The following WDR7 variants were observed in gnomAD, a reference collection of about 807,000 sequenced individuals.
WDR7 encodes WD repeat-containing protein 7.
A neutral mutation model predicts 169.4 loss-of-function variants in WDR7; 46 were observed. That is an observed-to-expected ratio of 0.27 (90% CI 0.21 to 0.35). The LOEUF is 0.35. Among genes scored for constraint, WDR7 ranks in the 10% least tolerant of loss-of-function variants. WDR7 has a pLI of 1.00. For missense variants in WDR7, 1,534 were observed against 1,859.3 expected, an observed-to-expected ratio of 0.83 and a Z score of 3.22; for synonymous variants, 612 against 666.8, an observed-to-expected ratio of 0.92 and a Z score of 1.27.
rs376961622 is a variant in WDR7 at position 56,913,145 on chromosome 18, A to T, written c.3527-10777A>T. Among the ~76,000 whole-genome samples the T allele has an allele frequency of 6.5e-4, 99 of 152,212 alleles. 2 individuals are homozygous for T. The highest frequency in any genetic ancestry group is 6.8e-3 in the Middle Eastern group (2 of 294). ...CACCTCAGGCTCTCGAAGTGCTGGGATTACAAGCATGAGCCACTGTGTCCA... is the reference window on the plus strand; with the variant it reads ...CACCTCAGGCTCTCGAAGTGCTGGGTTTACAAGCATGAGCCACTGTGTCCA... On this transcript the variant is annotated intron_variant, in intron 21 of 27. Coordinates refer to ENST00000254442, the MANE Select transcript of WDR7 (RefSeq NM_015285.3).
intron 19 of WDR7, among the ~76,000 whole-genome samples, chr18:56,792,765 A>AACACACACAC (rs10551903): frequency 4.7e-4 from 70 of 147,776 alleles, no homozygotes; most frequent in East Asian, 2.4e-3. Flanking sequence ...TATTTTCTTT[A>AACACACACAC]ACACACACAC....
chr18:56,908,557 A>G (rs564001598), intron 21 of WDR7, among the ~76,000 whole-genome samples: 1 of 152,326 alleles, frequency 6.6e-6, no homozygotes, highest in South Asian at 2.1e-4. Flanking sequence ...TGTATATAAT[A>G]TAATGGTCAG....
chr18:56,712,446 T>A (rs1329683439), intron 12 of WDR7, among the ~76,000 whole-genome samples: 1 of 152,222 alleles, frequency 6.6e-6, no homozygotes, highest in African/African-American at 2.4e-5. Flanking sequence ...GATAATTATT[T>A]GAAAAATAAT....
chr18:56,731,556 A>G lies in WDR7; in HGVS notation c.1948A>G (p.Thr650Ala), dbSNP rs555689261. 5.3e-5 allele frequency: 85 copies of G among 1,614,026 alleles called. No individual in the cohort carries two copies. In the Admixed American group the frequency reaches 5.7e-4, roughly 11 times the overall value. ...LKNMAHHKLQTLATNLLASEA... is the reference protein window; with the variant it reads ...LKNMAHHKLQALATNLLASEA... ...AAATATGGCCCATCATAAGCTACAAACCCTTGCAACTAACCTCTTGGCTTC... is the reference window on the plus strand; with the variant it reads ...AAATATGGCCCATCATAAGCTACAAGCCCTTGCAACTAACCTCTTGGCTTC... The change falls in exon 14 of 28, where the codon ACC becomes GCC. Residue 650 changes from threonine to alanine, a missense_variant. By Grantham distance (58) the Thr-to-Ala change is moderately conservative. Coordinates refer to ENST00000254442, the MANE Select transcript of WDR7 (RefSeq NM_015285.3).
chr18:56,980,297 C>A (rs1037097902), intron 26 of WDR7, among the ~76,000 whole-genome samples: 1 of 152,156 alleles, frequency 6.6e-6, no homozygotes, highest in Non-Finnish European at 1.5e-5. Context: ...ACTGTTGATC[C>A]CCATCCACAA....
intron 22 of WDR7, among the ~76,000 whole-genome samples, chr18:56,926,079 T>A (rs1458085756): frequency 6.6e-6 from 1 of 152,176 alleles, no homozygotes; most frequent in Admixed American, 6.5e-5. Context: ...ATTCAGCAGA[T>A]CAAGAGCTGC....
Position 56,987,285 on chromosome 18 carries a change from CAAAAAAAAAAAA to C in WDR7, c.4164+24771_4164+24782del, listed in dbSNP as rs74182165. Among the ~76,000 whole-genome samples the C allele has an allele frequency of 1.2e-4, 9 of 75,272 alleles. No individual in the cohort carries two copies. In the East Asian group the frequency reaches 1.6e-3, roughly 14 times the overall value. 49.4% of individuals were successfully genotyped at this position (75,272 alleles called of 152,430 possible). ...AAAGGTTAAGCCTTATCATCTGTAC[CAAAAAAAAAAAA>C]AAAAAAAAAAAAAAGGTGAGGTTTC... On this transcript the variant is annotated intron_variant, in intron 26 of 27. Coordinates refer to ENST00000254442, the MANE Select transcript of WDR7 (RefSeq NM_015285.3).
chr18:56,757,440 T>G (rs927434239), intron 15 of WDR7, 88 bp downstream of exon 15: 1 of 1,328,676 alleles, frequency 7.5e-7, no homozygotes, highest in South Asian at 1.7e-5. Context: ...CTTTTTTGGC[T>G]CTACACAATT....
In WDR7 at chr18:56,682,789, A is replaced by G. The variant is rs1247386562; in HGVS notation, c.456A>G (p.Leu152=). ...DATSLEVLYS[L]VSKISPDWIS... ...CCAGCCTTGAAGTATTATACTCCTT[A>G]GTATCAAAGATATCACCAGACTGGA... Residue 152 remains leucine, a synonymous_variant, in exon 5 of 28, where the codon TTA becomes TTG. Coordinates refer to ENST00000254442, the MANE Select transcript of WDR7 (RefSeq NM_015285.3). 6.2e-7 allele frequency: 1 copy of G among 1,613,720 alleles called. No individual in the cohort carries two copies.
At chr18:56,653,370 C>A (rs2024697876) in intron 1 of WDR7, among the ~76,000 whole-genome samples, 1 of 152,050 alleles carries the variant, frequency 6.6e-6, no homozygotes, top group Non-Finnish European at 1.5e-5. Context: ...CCATGCCTGG[C>A]TAATTTTTGT....
At chr18:56,864,941 G>T (rs2045860247) in intron 20 of WDR7, among the ~76,000 whole-genome samples, 1 of 151,954 alleles carries the variant, frequency 6.6e-6, no homozygotes. Flanking sequence ...GGAAAGAGTT[G>T]ATTGTAGCTC....
intron 21 of WDR7, among the ~76,000 whole-genome samples, chr18:56,923,372 C>T (rs2046754837): frequency 6.6e-6 from 1 of 152,232 alleles, no homozygotes; most frequent in Admixed American, 6.5e-5. Flanking sequence ...GAGCTTACCA[C>T]ACACTTGACA....
intron 23 of WDR7, 52 bp downstream of exon 23, chr18:56,935,957 G>C (rs547343156): frequency 2.0e-6 from 3 of 1,497,574 alleles, no homozygotes; most frequent in Admixed American, 1.8e-5. Flanking sequence ...GGAATTATTT[G>C]ATACTATAAG....
intron 20 of WDR7, among the ~76,000 whole-genome samples, chr18:56,840,041 G>A (rs1006137862): frequency 3.9e-5 from 6 of 152,070 alleles, no homozygotes; most frequent in Non-Finnish European, 5.9e-5. Context: ...CTGCTCTGAC[G>A]ACAGTGTGAG....
chr18:56,918,809 T>A (rs1350321528), intron 21 of WDR7, among the ~76,000 whole-genome samples: 1 of 152,230 alleles, frequency 6.6e-6, no homozygotes, highest in Non-Finnish European at 1.5e-5. Flanking sequence ...TATAAAGTAA[T>A]TTTCAACATT....
At chr18:56,952,127 A>T (rs939171117) in intron 25 of WDR7, among the ~76,000 whole-genome samples, 3 of 152,226 alleles carry the variant, frequency 2.0e-5, no homozygotes, top group African/African-American at 4.8e-5. Flanking sequence ...AATGAGAGTG[A>T]AAAGGGCAAA....
chr18:56,920,104 T>G (rs1314525630), intron 21 of WDR7, among the ~76,000 whole-genome samples: 1 of 152,134 alleles, frequency 6.6e-6, no homozygotes, highest in Non-Finnish European at 1.5e-5. Context: ...ACACACAGTT[T>G]CTAGCCATGT....
At chr18:56,677,673 T>C (rs560382491) in intron 2 of WDR7, among the ~76,000 whole-genome samples, 8 of 152,244 alleles carry the variant, frequency 5.3e-5, no homozygotes, top group Middle Eastern at 3.4e-3. Context: ...TGTCTTTTCT[T>C]TTTTGGCTTT....
At chr18:56,707,300 A>G (rs1398380777) in intron 12 of WDR7, among the ~76,000 whole-genome samples, 1 of 152,034 alleles carries the variant, frequency 6.6e-6, no homozygotes, top group African/African-American at 2.4e-5. Flanking sequence ...ACTTTACTGT[A>G]GATATACTTT....
Sources: allele counts gnomAD v4.1 joint callset (sites outside exome capture counted in the v4.1 genomes callset), GRCh38; gene constraint gnomAD v4.1.1; transcripts MANE v1.5; gene names NCBI Gene and HGNC (gene_info 2026-07-23, HGNC 2026-07-21).